MYH15: variants seen among roughly 807,000 people sequenced by gnomAD.
MYH15 encodes myosin heavy chain 15, also known as myosin-15.
Under a neutral mutation model 240.5 loss-of-function variants are expected in MYH15, and 227 were observed. The observed-to-expected ratio is 0.94, with a 90% CI of 0.85 to 1.05. The LOEUF (loss-of-function observed/expected upper bound fraction) is 1.05, where lower values mean the gene tolerates loss of function less well. Ranked by LOEUF, MYH15 falls within the 50% of genes least tolerant of loss-of-function variation. The pLI is 0.00. For missense variants in MYH15, 2,217 were observed against 2,247.5 expected, an observed-to-expected ratio of 0.99 and a Z score of 0.27; for synonymous variants, 785 against 796.7, an observed-to-expected ratio of 0.99 and a Z score of 0.25.
chr3:108,513,319 C>A (rs2083535180), upstream of MYH15, among the ~76,000 whole-genome samples: 1 of 152,090 alleles, frequency 6.6e-6, no homozygotes. Context: ...AATTCTGACA[C>A]CATGATAAAC....
intron 11 of MYH15, among the ~76,000 whole-genome samples, chr3:108,480,887 C>G (rs145990971): frequency 0.012 from 1,782 of 152,248 alleles, 34 homozygotes; most frequent in African/African-American, 0.041. Context: ...GGTGCCCTTC[C>G]CCGTTCCTTC....
intron 14 of MYH15, among the ~76,000 whole-genome samples, chr3:108,468,724 C>G (rs1043870867): frequency 1.3e-5 from 2 of 152,194 alleles, no homozygotes; most frequent in African/African-American, 4.8e-5. Flanking sequence ...AATGAGGCAA[C>G]AGACTTCAGA....
chr3:108,435,875 T>C (rs1453210654), intron 25 of MYH15, among the ~76,000 whole-genome samples: 2 of 151,824 alleles, frequency 1.3e-5, no homozygotes, highest in Non-Finnish European at 2.9e-5. Context: ...ACATTTTCTT[T>C]ATCCATTCAT....
chr3:108,420,438 CT>C (rs1315103160), intron 28 of MYH15, among the ~76,000 whole-genome samples: 11 of 152,164 alleles, frequency 7.2e-5, no homozygotes, highest in African/African-American at 2.4e-4. Context: ...CCTATCCTGA[CT>C]TTGCCCAGAT....
rs547777105 is a variant in MYH15, at chr3:108,423,129, G to T, written c.3703-1915C>A. 1.1e-4 allele frequency among the ~76,000 whole-genome samples: 17 copies of T among 152,264 alleles called. No individual in the cohort carries two copies. The South Asian group carries it at 3.5e-3, about 32-fold the overall frequency. On this transcript the variant is annotated intron_variant, in intron 27 of 40. Coordinates refer to ENST00000693548, the MANE Select transcript of MYH15 (RefSeq NM_014981.3). ...GGCCAGAGTCCCTGCTTGAGCGCTT[G>T]CCGCCCGCAGCTTGAATCCCAGGTT...
rs768865349 is a variant in MYH15, at chr3:108,408,340, C to G, written c.4560G>C (p.Lys1520Asn). 6.2e-7 allele frequency: 1 copy of G among 1,613,540 alleles called. No homozygotes were observed. The highest frequency in any genetic ancestry group is 1.7e-5 in the Admixed American group (1 of 59,958). The stretch of plus-strand genomic sequence containing the variant: ...TCTCTTCTTCAATTAGTTTCTTGAC[C>G]TTTTCCATTTCAGTTAAGTTCTTGG... ...EGTKNLTEME[K>N]VKKLIEEEKT... is the part of the protein sequence containing the mutation. The change falls in exon 32 of 41, where the codon AAG (lysine) becomes AAC (asparagine). Residue 1520 changes from lysine to asparagine, a missense_variant. Physicochemically the swap from Lys to Asn is moderately conservative, Grantham distance 94 (BLOSUM62 0). Coordinates refer to ENST00000693548, the MANE Select transcript of MYH15 (RefSeq NM_014981.3).
At chr3:108,532,188 G>T (rs1429518338), upstream of MYH15, among the ~76,000 whole-genome samples, 1 of 152,002 alleles carries the variant, frequency 6.6e-6, no homozygotes, top group Non-Finnish European at 1.5e-5. Flanking sequence ...TGGGCCACAG[G>T]ATGCTCAAAT....
At chr3:108,383,102 T>C (rs978965790) in intron 40 of MYH15, among the ~76,000 whole-genome samples, 3 of 152,088 alleles carry the variant, frequency 2.0e-5, no homozygotes, top group Non-Finnish European at 4.4e-5. Context: ...GAATCAGGAA[T>C]ATAAAGCAGA....
rs1414341727 is a variant in MYH15, at chr3:108,423,057, T to A, written c.3703-1843A>T. 3.3e-5 allele frequency among the ~76,000 whole-genome samples: 5 copies of A among 152,154 alleles called. No individual in the cohort carries two copies. In the South Asian group the frequency reaches 8.3e-4, roughly 25 times the overall value. On this transcript the variant is annotated intron_variant, in intron 27 of 40. Transcript: ENST00000693548. ...ATTTGAATGGTGAGTAAGACAGGGT[T>A]TGATTAGGTGAAAAGGAAGAAAAGG...
intron 1 of MYH15, among the ~76,000 whole-genome samples, chr3:108,507,269 ATATAT>A (rs2107248179): frequency 1.2e-5 from 1 of 81,402 alleles, no homozygotes; most frequent in Non-Finnish European, 3.0e-5. Flanking sequence ...ATATATATAT[ATATAT>A]ATACACATAT....
intron 27 of MYH15, among the ~76,000 whole-genome samples, chr3:108,427,315 G>A (rs2082731872): frequency 6.6e-6 from 1 of 152,186 alleles, no homozygotes. Context: ...GTGTGATAGT[G>A]TTAGATGGGG....
At chr3:108,436,706 T>C (rs1271041278) in intron 25 of MYH15, among the ~76,000 whole-genome samples, 1 of 152,182 alleles carries the variant, frequency 6.6e-6, no homozygotes, top group Non-Finnish European at 1.5e-5. Flanking sequence ...GCCCAGCTAA[T>C]TTTTGTATTT....
Position 108,393,409 on chromosome 3 carries a change from T to G in MYH15, c.5259+622A>C, listed in dbSNP as rs984925310. 2.6e-5 allele frequency among the ~76,000 whole-genome samples: 4 copies of G among 152,338 alleles called. No individual in the cohort carries two copies. The East Asian group carries it at 7.7e-4, about 29-fold the overall frequency. ...CGCTAACCATGCCCGCTGAGAGAAG[T>G]GCTGCATCTGCCCACAGGGGGTGCC... On this transcript the variant is annotated intron_variant, in intron 36 of 40. Transcript: ENST00000693548.
intron 11 of MYH15, among the ~76,000 whole-genome samples, chr3:108,477,292 G>A (rs929996072): frequency 6.6e-6 from 1 of 152,108 alleles, no homozygotes; most frequent in Non-Finnish European, 1.5e-5. Context: ...ACAGAAAGTC[G>A]ATTTTGGTTG....
intron 21 of MYH15, among the ~76,000 whole-genome samples, chr3:108,445,246 C>G (rs1331868347): frequency 6.6e-6 from 1 of 152,150 alleles, no homozygotes; most frequent in Non-Finnish European, 1.5e-5. Flanking sequence ...GGAAACAAGT[C>G]TTGGTATTGT....
At chr3:108,393,921 G>A in intron 36 of MYH15, 110 bp downstream of exon 36, 3 of 1,505,492 alleles carry the variant, frequency 2.0e-6, no homozygotes, top group South Asian at 1.2e-5. Context: ...CCCCCTGGCT[G>A]TATGGGAAAT....
chr3:108,508,074 T>A (rs1230159559), intron 1 of MYH15, among the ~76,000 whole-genome samples: 1 of 152,160 alleles, frequency 6.6e-6, no homozygotes, highest in Non-Finnish European at 1.5e-5. Flanking sequence ...AGCTAATTAG[T>A]GGCAGTCACT....
chr3:108,410,676 C>T lies in MYH15; in HGVS notation c.4402G>A (p.Ala1468Thr), dbSNP rs1438341493. The stretch of plus-strand genomic sequence containing the variant: ...AGCTTGAGGAGCTCTGTACTGAGAG[C>T]CTGAACTTCCTTCTGAGAGGCATCC... Reference protein sequence around the residue: ...LLDASQKEVQALSTELLKLKN... With the variant: ...LLDASQKEVQTLSTELLKLKN... The change falls in exon 31 of 41, where the codon GCT becomes ACT. Residue 1468 changes from alanine (A) to threonine (T), a missense_variant. Ala to Thr is a moderately conservative substitution (Grantham distance 58, BLOSUM62 0). Transcript: ENST00000693548. The T allele has an allele frequency of 6.2e-7, 1 of 1,614,048 alleles. No homozygotes were observed. Among genetic ancestry groups the T allele is most frequent in the Admixed American group, 1.7e-5 (1 of 60,006 alleles).
Position 108,476,521 on chromosome 3 carries a change from C to T in MYH15, c.1115-6G>A. 3 of 1,562,056 alleles carry T rather than the reference C, an allele frequency of 1.9e-6. No homozygotes were observed. The highest frequency in any genetic ancestry group is 2.6e-6 in the Non-Finnish European group (3 of 1,133,180). ...GAAAGCAGCTTTGTCAGCATCTGGT[C>T]ATCAGAAATAGAAGAAAAGGAAGGA... On this transcript the variant is annotated splice_region_variant and splice_polypyrimidine_tract_variant and intron_variant, in intron 11 of 40. Transcript: ENST00000693548.
Sources: gnomAD v4.1 joint callset for allele counts (sites outside exome capture counted in the v4.1 genomes callset) on GRCh38, gnomAD v4.1.1 for gene constraint, MANE v1.5 for transcripts, NCBI Gene and HGNC (gene_info 2026-07-23, HGNC 2026-07-21) for gene names.